OSBPL3: variants seen among roughly 807,000 people sequenced by gnomAD.
OSBPL3 encodes the protein oxysterol binding protein like 3.
A neutral mutation model predicts 120.1 loss-of-function variants in OSBPL3; 65 were observed. The ratio of observed to expected loss-of-function variants is 0.54; its 90% confidence interval spans 0.44 to 0.67. The LOEUF (loss-of-function observed/expected upper bound fraction) is 0.67. OSBPL3 is among the 30% of genes least tolerant of loss of function. The probability of loss-of-function intolerance (pLI) is 0.00; values close to 1 mark genes in which losing one functional copy is unlikely to be tolerated. For missense variants in OSBPL3, 1,004 were observed against 1,082.1 expected, an observed-to-expected ratio of 0.93 and a Z score of 1.01; for synonymous variants, 416 against 402.6, an observed-to-expected ratio of 1.03 and a Z score of -0.40.
Position 24,830,814 on chromosome 7 carries a change from T to C in OSBPL3, c.1838A>G (p.Tyr613Cys), listed in dbSNP as rs756830962. 6.2e-7 allele frequency: 1 copy of C among 1,614,138 alleles called. No individual in the cohort carries two copies. The highest frequency in any genetic ancestry group is 8.5e-7 in the Non-Finnish European group (1 of 1,180,004). The stretch of plus-strand genomic sequence containing the variant: ...GCCCTTGTCCTCCCGAATACATTCA[T>C]ATGTTTCTCCAAGAACCGGATTAAA... Reference protein sequence around the residue: ...KPFNPVLGETYECIREDKGFQ... With the variant: ...KPFNPVLGETCECIREDKGFQ... The change falls in exon 16 of 23, where the codon TAT becomes TGT. Residue 613 changes from tyrosine to cysteine, a missense_variant. Physicochemically the swap from Tyr to Cys is radical, Grantham distance 194. Transcript: ENST00000313367. The surrounding 1 kb of genome is among the most constrained non-coding windows in gnomAD (Gnocchi z 4.4).
intron 1 of OSBPL3, among the ~76,000 whole-genome samples, chr7:24,910,899 G>A (rs1010127433): frequency 1.3e-5 from 2 of 152,194 alleles, no homozygotes; most frequent in African/African-American, 2.4e-5. Flanking sequence ...CTGCGTGACA[G>A]GATCACCCTG....
chr7:24,841,395 T>C (rs1797722915), intron 13 of OSBPL3, among the ~76,000 whole-genome samples: 2 of 151,708 alleles, frequency 1.3e-5, no homozygotes, highest in South Asian at 4.2e-4. Flanking sequence ...AGTAGACACA[T>C]TATTAAATAG....
intron 1 of OSBPL3, among the ~76,000 whole-genome samples, chr7:24,971,575 G>T (rs950002312): frequency 3.3e-5 from 5 of 152,164 alleles, no homozygotes; most frequent in Non-Finnish European, 5.9e-5. Flanking sequence ...AGGGGAATGG[G>T]GCCCCTCCTT....
At position 24,946,374 on chromosome 7, in the gene OSBPL3, T is replaced by C. The variant is rs769391855; in HGVS notation, c.-150+33512A>G. On this transcript the variant is annotated intron_variant, in intron 1 of 22. Coordinates refer to ENST00000313367, the MANE Select transcript of OSBPL3 (RefSeq NM_015550.4). The surrounding 1 kb of genome is among the most constrained non-coding windows in gnomAD (Gnocchi z 4.3). The stretch of plus-strand genomic sequence containing the variant: ...TGGAGCAGACACAAACCAACTCGTA[T>C]TTAAGAGAAGGGTACACAGACCTCA... Among the ~76,000 whole-genome samples the C allele has an allele frequency of 5.3e-5, 8 of 152,144 alleles. No homozygotes were observed. Among genetic ancestry groups the C allele is most frequent in the Non-Finnish European group, 1.0e-4 (7 of 68,018 alleles).
rs562267668 is a variant in OSBPL3, at chr7:24,840,134, G to T, written c.1495+556C>A. Among the ~76,000 whole-genome samples, 439 of 148,020 alleles carry T rather than the reference G, an allele frequency of 3.0e-3. 2 individuals are homozygous for T. The highest frequency in any genetic ancestry group is 0.011 in the African/African-American group (424 of 40,034). ...GAATTAACACATCTTTCACATGTGG[G>T]TGCTAGATTATAAAATCCTAGGGGG... On this transcript the variant is annotated intron_variant, in intron 14 of 22. Coordinates refer to ENST00000313367, the MANE Select transcript of OSBPL3 (RefSeq NM_015550.4).
At chr7:24,905,490 C>G (rs1396681218) in intron 1 of OSBPL3, among the ~76,000 whole-genome samples, 1 of 152,086 alleles carries the variant, frequency 6.6e-6, no homozygotes, top group African/African-American at 2.4e-5. Flanking sequence ...TAGAAACAGA[C>G]AGGAAATTTC....
intron 1 of OSBPL3, among the ~76,000 whole-genome samples, chr7:24,908,534 C>G (rs1808290169): frequency 6.6e-6 from 1 of 152,192 alleles, no homozygotes; most frequent in African/African-American, 2.4e-5. Context: ...TAGATTTCCC[C>G]AAGACTGCTT....
rs1336484585 is a variant in OSBPL3, at chr7:24,952,456, A to G, written c.-150+27430T>C. Among the ~76,000 whole-genome samples, 2 of 152,228 alleles carry G rather than the reference A, an allele frequency of 1.3e-5. No homozygotes were observed. Among genetic ancestry groups the G allele is most frequent in the Non-Finnish European group, 2.9e-5 (2 of 68,038 alleles). On this transcript the variant is annotated intron_variant, in intron 1 of 22. Coordinates refer to ENST00000313367, the MANE Select transcript of OSBPL3 (RefSeq NM_015550.4). This position sits in a 1 kb window ranked among gnomAD's most constrained non-coding sequence, Gnocchi z 4.4. ...CGAAACCTCAGAAACCTCAGAAGGTATGGTCTAATCTAACATGTCTAAAAT... is the reference window on the plus strand; with the variant it reads ...CGAAACCTCAGAAACCTCAGAAGGTGTGGTCTAATCTAACATGTCTAAAAT...
intron 10 of OSBPL3, among the ~76,000 whole-genome samples, chr7:24,858,134 T>C (rs1220080556): frequency 2.0e-5 from 3 of 152,126 alleles, no homozygotes; most frequent in Admixed American, 1.3e-4. Flanking sequence ...GTCTATAATA[T>C]AGAATAAGGA....
At chr7:24,905,296 A>C (rs893296273) in intron 1 of OSBPL3, among the ~76,000 whole-genome samples, 1 of 152,088 alleles carries the variant, frequency 6.6e-6, no homozygotes, top group African/African-American at 2.4e-5. Flanking sequence ...AACCCACGAC[A>C]GAGAAGAGAT....
chr7:24,969,132 T>C (rs1224990057), intron 1 of OSBPL3, among the ~76,000 whole-genome samples: 29 of 152,258 alleles, frequency 1.9e-4, no homozygotes, highest in Admixed American at 1.9e-3. Flanking sequence ...TGAATACCTG[T>C]TTCTTCAAAA....
In OSBPL3 at chr7:24,936,776, G is replaced by T. The variant is rs562743346; in HGVS notation, c.-150+43110C>A. ...ATCGTGAATAACATGATAAAAGTTT[G>T]CCTGCATTATCCTATATGCAGTAGG... On this transcript the variant is annotated intron_variant, in intron 1 of 22. Transcript: ENST00000313367. This position sits in a 1 kb window ranked among gnomAD's most constrained non-coding sequence, Gnocchi z 4.2. Among the ~76,000 whole-genome samples, 28 of 152,182 alleles carry T rather than the reference G, an allele frequency of 1.8e-4. No individual in the cohort carries two copies. Among genetic ancestry groups the T allele is most frequent in the Non-Finnish European group, 4.0e-4 (27 of 68,014 alleles).
rs1454103561 is a variant in OSBPL3 at position 24,900,581 on chromosome 7, T to C, written c.-149-7960A>G. 6.6e-6 allele frequency among the ~76,000 whole-genome samples: 1 copy of C among 152,330 alleles called. No homozygotes were observed. Among genetic ancestry groups the C allele is most frequent in the African/African-American group, 2.4e-5 (1 of 41,584 alleles). ...GCTTAGCTACTCCTTAATCAAGGTATGGCAAGTACCAGACACATGTGCTTC... is the reference window on the plus strand; with the variant it reads ...GCTTAGCTACTCCTTAATCAAGGTACGGCAAGTACCAGACACATGTGCTTC... On this transcript the variant is annotated intron_variant, in intron 1 of 22. Transcript: ENST00000313367. This position sits in a 1 kb window ranked among gnomAD's most constrained non-coding sequence, Gnocchi z 4.5.
In OSBPL3 at chr7:24,955,304, T is replaced by A. The variant is rs991169835; in HGVS notation, c.-150+24582A>T. 6.6e-6 allele frequency among the ~76,000 whole-genome samples: 1 copy of A among 152,162 alleles called. No individual in the cohort carries two copies. Among genetic ancestry groups the A allele is most frequent in the Admixed American group, 6.5e-5 (1 of 15,280 alleles). On this transcript the variant is annotated intron_variant, in intron 1 of 22. Transcript: ENST00000313367. This position sits in a 1 kb window ranked among gnomAD's most constrained non-coding sequence, Gnocchi z 4.3. ...GAAAGCAAACTTTTCCCATAATGAG[T>A]TTGGGGGCTACCATGTCATTTAGCA...
At chr7:24,828,522 C>T (rs1299816591) in intron 16 of OSBPL3, among the ~76,000 whole-genome samples, 1 of 145,156 alleles carries the variant, frequency 6.9e-6, no homozygotes, top group Non-Finnish European at 1.5e-5. Context: ...GTGCGAGGAT[C>T]ACTTGAACTG....
intron 11 of OSBPL3, among the ~76,000 whole-genome samples, chr7:24,850,138 G>A (rs1486940975): frequency 1.3e-5 from 2 of 152,146 alleles, no homozygotes; most frequent in African/African-American, 4.8e-5. Flanking sequence ...CATGGCTCTG[G>A]GAATGGGTAA....
chr7:24,806,747 G>A lies in OSBPL3; in HGVS notation c.2444+29C>T, dbSNP rs751503832. ...TTTTTGTAAAGGGTTTTACATCTCT[G>A]GAGAGAAAAATCTTTAAAAAATCCT... On this transcript the variant is annotated intron_variant, in intron 21 of 22. Coordinates refer to ENST00000313367, the MANE Select transcript of OSBPL3 (RefSeq NM_015550.4). The surrounding 1 kb of genome is among the most constrained non-coding windows in gnomAD (Gnocchi z 5.2). 2.4e-5 allele frequency: 39 copies of A among 1,608,352 alleles called. No individual in the cohort carries two copies. Among genetic ancestry groups the A allele is most frequent in the Non-Finnish European group, 3.1e-5 (37 of 1,176,688 alleles).
chr7:24,828,606 GAA>G (rs1190652256), intron 16 of OSBPL3, among the ~76,000 whole-genome samples: 3 of 32,522 alleles, frequency 9.2e-5, no homozygotes, highest in South Asian at 8.5e-4. Flanking sequence ...GACTCTGTCT[GAA>G]AAAAAAAAAA....
At position 24,877,184 on chromosome 7, in the gene OSBPL3, G is replaced by A. The variant is rs1340651394; in HGVS notation, c.97-5115C>T. 6.6e-6 allele frequency among the ~76,000 whole-genome samples: 1 copy of A among 152,136 alleles called. No homozygotes were observed. Among genetic ancestry groups the A allele is most frequent in the Non-Finnish European group, 1.5e-5 (1 of 68,018 alleles). ...GTTTAAGTATGTAAATTCTGATGAA[G>A]AAAAAGGAGTAAATCCCATTGGGTA... On this transcript the variant is annotated intron_variant, in intron 2 of 22. Transcript: ENST00000313367. The surrounding 1 kb of genome is among the most constrained non-coding windows in gnomAD (Gnocchi z 4.8).
Sources: gnomAD v4.1 joint callset for allele counts (sites outside exome capture counted in the v4.1 genomes callset) on GRCh38, gnomAD v4.1.1 for gene constraint, Gnocchi (gnomAD v3.1) non-coding constraint, MANE v1.5 for transcripts, NCBI Gene and HGNC (gene_info 2026-07-23, HGNC 2026-07-21) for gene names.